Variants in ITGA9 observed in about 807,000 individuals in gnomAD.
ITGA9 encodes the protein integrin subunit alpha 9.
In ITGA9, 56 loss-of-function variants were observed where a neutral mutation model predicts 127.8. The ratio of observed to expected loss-of-function variants is 0.44; its 90% CI spans 0.35 to 0.55. ITGA9 has a LOEUF of 0.55. ITGA9 is among the 20% of genes least tolerant of loss of function. The pLI is 0.00. For missense variants in ITGA9, 1,196 were observed against 1,347.1 expected, an observed-to-expected ratio of 0.89 and a Z score of 1.76; for synonymous variants, 508 against 514.5, an observed-to-expected ratio of 0.99 and a Z score of 0.17.
At chr3:37,591,421 G>A (rs535000045) in intron 15 of ITGA9, among the ~76,000 whole-genome samples, 1 of 152,320 alleles carries the variant, frequency 6.6e-6, no homozygotes, top group South Asian at 2.1e-4. Context: ...CATTCCTGCA[G>A]TGGACTGAGT....
intron 18 of ITGA9, among the ~76,000 whole-genome samples, chr3:37,695,352 T>C (rs1367254297): frequency 6.6e-6 from 1 of 152,242 alleles, no homozygotes; most frequent in African/African-American, 2.4e-5. Context: ...TGAAATTGTT[T>C]GCTACAGTCG....
intron 15 of ITGA9, among the ~76,000 whole-genome samples, chr3:37,569,966 C>T (rs1275196586): frequency 1.3e-5 from 2 of 152,248 alleles, no homozygotes; most frequent in African/African-American, 4.8e-5. Flanking sequence ...ACGTGTACTT[C>T]TGCAGCTGCC....
At chr3:37,512,503 T>C (rs544386099) in intron 8 of ITGA9, among the ~76,000 whole-genome samples, 15 of 152,142 alleles carry the variant, frequency 9.9e-5, no homozygotes, top group Admixed American at 8.5e-4. Context: ...TGAGTCACCA[T>C]GCCCGGCCTT....
chr3:37,506,194 G>A, intron 7 of ITGA9, 109 bp downstream of exon 7: 2 of 849,144 alleles, frequency 2.4e-6, no homozygotes, highest in Non-Finnish European at 3.9e-6. Flanking sequence ...TCTACTGGGT[G>A]GCTGGTGGGG....
At chr3:37,509,104 A>G (rs1353036677) in intron 8 of ITGA9, among the ~76,000 whole-genome samples, 1 of 152,174 alleles carries the variant, frequency 6.6e-6, no homozygotes, top group Non-Finnish European at 1.5e-5. Flanking sequence ...CCACACAAAG[A>G]AAATCCAAAC....
chr3:37,483,731 C>T (rs1305945689), intron 4 of ITGA9, among the ~76,000 whole-genome samples: 1 of 152,154 alleles, frequency 6.6e-6, no homozygotes, highest in Non-Finnish European at 1.5e-5. Context: ...GCAGTCAGGC[C>T]ACATCATAGG....
intron 16 of ITGA9, among the ~76,000 whole-genome samples, chr3:37,635,885 G>T (rs1006224999): frequency 5.0e-4 from 75 of 150,502 alleles, no homozygotes; most frequent in Non-Finnish European, 8.9e-4. Context: ...GCGGTGTTTG[G>T]TTTTTTTGTC....
At chr3:37,595,612 C>T (rs747250168) in intron 15 of ITGA9, among the ~76,000 whole-genome samples, 4 of 152,184 alleles carry the variant, frequency 2.6e-5, no homozygotes, top group Admixed American at 6.5e-5. Context: ...ACTCAGATCC[C>T]CTTGACCTCA....
chr3:37,547,719 A>C (rs1353647357), intron 15 of ITGA9, among the ~76,000 whole-genome samples: 3 of 151,978 alleles, frequency 2.0e-5, no homozygotes, highest in African/African-American at 7.3e-5. Context: ...AATAGCTAAG[A>C]AAAAAACAGT....
intron 18 of ITGA9, among the ~76,000 whole-genome samples, chr3:37,713,603 G>A (rs1701101816): frequency 6.6e-6 from 1 of 152,206 alleles, no homozygotes; most frequent in Admixed American, 6.5e-5. Context: ...GGGTGCGGGA[G>A]GTACTTTCAG....
intron 4 of ITGA9, among the ~76,000 whole-genome samples, chr3:37,485,209 T>G (rs1419954732): frequency 6.6e-6 from 1 of 152,182 alleles, no homozygotes; most frequent in African/African-American, 2.4e-5. Context: ...GTGGCATTAT[T>G]TCATTTTACA....
rs768594735 is a variant in ITGA9 at position 37,744,027 on chromosome 3, C to T, written c.2426C>T (p.Thr809Ile). ...TGTCACTTTCAGCCCATCAATATCA[C>T]CCTTCAGGTACCCACTCCTGGAGAC... ...LECHFQPINI[T>I]LQVYNTGPST... Residue 809 changes from threonine to isoleucine, a missense_variant, in exon 22 of 28, where the codon ACC (threonine) becomes ATC (isoleucine). Coordinates refer to ENST00000264741, the MANE Select transcript of ITGA9 (RefSeq NM_002207.3). 6.2e-7 allele frequency: 1 copy of T among 1,610,412 alleles called. No individual in the cohort carries two copies. The highest frequency in any genetic ancestry group is 8.5e-7 in the Non-Finnish European group (1 of 1,176,586).
chr3:37,814,688 G>GA lies in ITGA9; in HGVS notation c.3010-4197dup, dbSNP rs1214661876. ...AAAGACTCTTTACTTCCATCTGTCA[G>GA]AAAAAATTCAGAAAACTCTGATTTT... On this transcript the variant is annotated intron_variant, in intron 27 of 27. Coordinates refer to ENST00000264741, the MANE Select transcript of ITGA9 (RefSeq NM_002207.3). This position sits in a 1 kb window ranked among gnomAD's most constrained non-coding sequence, Gnocchi z 4.3. 1.3e-5 allele frequency among the ~76,000 whole-genome samples: 2 copies of GA among 152,142 alleles called. No individual in the cohort carries two copies. The highest frequency in any genetic ancestry group is 2.4e-5 in the African/African-American group (1 of 41,430).
intron 18 of ITGA9, among the ~76,000 whole-genome samples, chr3:37,720,881 A>G (rs1267181767): frequency 6.6e-6 from 1 of 152,234 alleles, no homozygotes; most frequent in African/African-American, 2.4e-5. Context: ...GGAACGAGAC[A>G]GCTTATTCAA....
chr3:37,692,229 T>C (rs1163212300), intron 18 of ITGA9, among the ~76,000 whole-genome samples: 1 of 152,228 alleles, frequency 6.6e-6, no homozygotes, highest in Non-Finnish European at 1.5e-5. Flanking sequence ...ACTTTATAGC[T>C]CATTCATTTA....
intron 5 of ITGA9, among the ~76,000 whole-genome samples, chr3:37,499,348 A>G (rs1417223435): frequency 2.0e-5 from 3 of 152,234 alleles, no homozygotes; most frequent in African/African-American, 7.2e-5. Context: ...AACTTGCAGT[A>G]CACAGAGGAA....
At chr3:37,771,006 C>T (rs1387362733) in intron 23 of ITGA9, among the ~76,000 whole-genome samples, 1 of 152,198 alleles carries the variant, frequency 6.6e-6, no homozygotes, top group East Asian at 1.9e-4. Flanking sequence ...GTCCTGCATC[C>T]TCCTTTCCTT....
chr3:37,598,459 C>T (rs1699888352), intron 15 of ITGA9, among the ~76,000 whole-genome samples: 1 of 152,148 alleles, frequency 6.6e-6, no homozygotes, highest in South Asian at 2.1e-4. Context: ...ATTCCACAAA[C>T]ATTTATTTGG....
chr3:37,656,498 G>A (rs6550494), intron 17 of ITGA9, among the ~76,000 whole-genome samples: 87,975 of 151,394 alleles, frequency 0.58, 26,236 homozygotes, highest in African/African-American at 0.72. Flanking sequence ...CTGTTTGTCT[G>A]TTTTTGGTGT....
Sources: gnomAD v4.1 joint callset for allele counts (sites outside exome capture counted in the v4.1 genomes callset) on GRCh38, gnomAD v4.1.1 for gene constraint, Gnocchi (gnomAD v3.1) non-coding constraint, MANE v1.5 for transcripts, NCBI Gene and HGNC (gene_info 2026-07-23, HGNC 2026-07-21) for gene names.